Variants in LRBA observed in about 807,000 individuals in gnomAD.
LRBA encodes lipopolysaccharide-responsive and beige-like anchor protein.
In LRBA, 176 loss-of-function variants were observed where a neutral mutation model predicts 330.0. The ratio of observed to expected loss-of-function variants is 0.53; its 90% CI spans 0.47 to 0.60. LRBA has a LOEUF of 0.60. Among genes scored for constraint, LRBA ranks in the 20% least tolerant of loss-of-function variants. The pLI is 0.00. For synonymous variants in LRBA, 1,230 were observed against 1,193.0 expected, an observed-to-expected ratio of 1.03 and a Z score of -0.64; for missense variants, 3,259 against 3,444.8, an observed-to-expected ratio of 0.95 and a Z score of 1.35.
In LRBA at chr4:150,339,429, T is replaced by A. The variant is rs1041504468; in HGVS notation, c.7362+10563A>T. On this transcript the variant is annotated intron_variant, in intron 48 of 56. Coordinates refer to ENST00000651943, the MANE Select transcript of LRBA (RefSeq NM_001364905.1). Reference sequence around the variant, plus strand: ...GAACAGCCAAAAACGAAGTCAGTATTCATATCCTCATGTTAACATACATTG... The same window carrying A: ...GAACAGCCAAAAACGAAGTCAGTATACATATCCTCATGTTAACATACATTG... Among the ~76,000 whole-genome samples, 3 of 152,106 alleles carry A rather than the reference T, an allele frequency of 2.0e-5. No individual in the cohort carries two copies. The East Asian group carries it at 5.8e-4, about 29-fold the overall frequency.
intron 44 of LRBA, among the ~76,000 whole-genome samples, chr4:150,462,228 A>C (rs1266098925): frequency 6.6e-6 from 1 of 151,842 alleles, no homozygotes; most frequent in Non-Finnish European, 1.5e-5. Context: ...CAGACTACTG[A>C]TGAAATAACT....
At chr4:150,600,001 C>A (rs1237710825) in intron 37 of LRBA, among the ~76,000 whole-genome samples, 4 of 151,982 alleles carry the variant, frequency 2.6e-5, no homozygotes, top group African/African-American at 9.7e-5. Flanking sequence ...TTGCTCATTT[C>A]AAATTCTATA....
chr4:150,905,336 T>C (rs1053233427), intron 13 of LRBA, among the ~76,000 whole-genome samples: 1 of 151,880 alleles, frequency 6.6e-6, no homozygotes. Context: ...TAGTTCATCA[T>C]GTTGGAAGGC....
chr4:150,486,362 C>T (rs1421579314), intron 42 of LRBA, among the ~76,000 whole-genome samples: 1 of 151,474 alleles, frequency 6.6e-6, no homozygotes. Flanking sequence ...ATAGTTTAGG[C>T]AAATAGTACT....
rs1411158428 is a variant in LRBA at position 150,350,108 on chromosome 4, T to C, written c.7246A>G (p.Ile2416Val). 1 of 1,603,826 alleles carries C rather than the reference T, an allele frequency of 6.2e-7. No homozygotes were observed. Reference sequence around the variant, plus strand: ...GGTCCTTGCTGTTTATAGCCAAAAATGAGATCAATCCATTGGTGAAGCTGG... The same window carrying C: ...GGTCCTTGCTGTTTATAGCCAAAAACGAGATCAATCCATTGGTGAAGCTGG... ...SCQLHQWIDLIFGYKQQGPEA... is the reference protein window; with the variant it reads ...SCQLHQWIDLVFGYKQQGPEA... The change falls in exon 48 of 57, where the codon ATT becomes GTT. Residue 2416 changes from isoleucine (I) to valine (V), a missense_variant. Ile to Val is a conservative substitution (Grantham distance 29, BLOSUM62 3). Coordinates refer to ENST00000651943, the MANE Select transcript of LRBA (RefSeq NM_001364905.1).
intron 33 of LRBA, among the ~76,000 whole-genome samples, chr4:150,804,062 A>T (rs981375702): frequency 3.3e-5 from 5 of 151,406 alleles, no homozygotes; most frequent in African/African-American, 9.7e-5. Flanking sequence ...TACACCATTT[A>T]AAAAAAAAGT....
At chr4:150,697,352 C>A (rs200623754) in intron 36 of LRBA, among the ~76,000 whole-genome samples, 4,218 of 31,218 alleles carry the variant, frequency 0.14, 9 homozygotes, top group Non-Finnish European at 0.22. Context: ...AAAAAAAAAA[C>A]AGGGAGAGTT....
At chr4:150,407,594 C>T (rs1444736494) in intron 47 of LRBA, among the ~76,000 whole-genome samples, 1 of 152,124 alleles carries the variant, frequency 6.6e-6, no homozygotes, top group East Asian at 1.9e-4. Flanking sequence ...CTAAAGATAA[C>T]ATGAAGAATT....
intron 33 of LRBA, among the ~76,000 whole-genome samples, chr4:150,803,762 T>A (rs997278383): frequency 6.6e-6 from 1 of 152,196 alleles, no homozygotes; most frequent in African/African-American, 2.4e-5. Context: ...TTTATGAACA[T>A]CATCAATGAA....
intron 28 of LRBA, among the ~76,000 whole-genome samples, chr4:150,836,672 G>A (rs534833853): frequency 2.6e-5 from 4 of 152,126 alleles, no homozygotes; most frequent in South Asian, 2.1e-4. Context: ...TGAGTCATTC[G>A]ATTCTTCTCT....
At chr4:150,677,127 AC>A (rs1169497828) in intron 37 of LRBA, among the ~76,000 whole-genome samples, 3 of 152,012 alleles carry the variant, frequency 2.0e-5, no homozygotes, top group Non-Finnish European at 4.4e-5. Flanking sequence ...AGTTTACCTG[AC>A]CCCCCAACCC....
intron 47 of LRBA, among the ~76,000 whole-genome samples, chr4:150,356,559 C>CT (rs935102908): frequency 6.6e-6 from 1 of 151,904 alleles, no homozygotes; most frequent in Non-Finnish European, 1.5e-5. Flanking sequence ...TCAAAATTTT[C>CT]TAACAAAGGT....
At chr4:150,615,476 T>C (rs1046147684) in intron 37 of LRBA, among the ~76,000 whole-genome samples, 1 of 152,046 alleles carries the variant, frequency 6.6e-6, no homozygotes, top group Non-Finnish European at 1.5e-5. Flanking sequence ...TAAAAAGTCA[T>C]TGAATTATGG....
At chr4:150,683,444 T>C in intron 37 of LRBA, 107 bp downstream of exon 37, 1 of 877,702 alleles carries the variant, frequency 1.1e-6, no homozygotes, top group Non-Finnish European at 1.8e-6. Context: ...AAGACAAAAT[T>C]AAATTACTCT....
At chr4:150,446,168 G>C (rs1273668265) in intron 44 of LRBA, among the ~76,000 whole-genome samples, 1 of 152,092 alleles carries the variant, frequency 6.6e-6, no homozygotes, top group African/African-American at 2.4e-5. Flanking sequence ...GGCCAGGAAG[G>C]GTAAGGGGAA....
At chr4:150,990,806 G>A (rs1344028403) in intron 2 of LRBA, among the ~76,000 whole-genome samples, 1 of 152,134 alleles carries the variant, frequency 6.6e-6, no homozygotes, top group Non-Finnish European at 1.5e-5. Context: ...GATCACTTGA[G>A]GCCAGGAGTT....
At chr4:150,590,379 A>AAC (rs397965104) in intron 39 of LRBA, among the ~76,000 whole-genome samples, 1 of 142,158 alleles carries the variant, frequency 7.0e-6, no homozygotes, top group Non-Finnish European at 1.6e-5. Context: ...AAAAAAAAAA[A>AAC]CTGGCAGAAT....
At chr4:150,807,745 A>G (rs1033890767) in intron 32 of LRBA, among the ~76,000 whole-genome samples, 4 of 151,986 alleles carry the variant, frequency 2.6e-5, no homozygotes, top group African/African-American at 7.2e-5. Flanking sequence ...TCCCGGGTTC[A>G]AGTGATTCTC....
chr4:150,850,938 C>A, intron 23 of LRBA, 36 bp from the exon 24 acceptor site: 1 of 1,481,144 alleles, frequency 6.8e-7, no homozygotes, highest in Non-Finnish European at 9.3e-7. Flanking sequence ...AAAATAGGTT[C>A]AACTTCAGCA....
Sources: gnomAD v4.1 joint callset for allele counts (sites outside exome capture counted in the v4.1 genomes callset) on GRCh38, gnomAD v4.1.1 for gene constraint, MANE v1.5 for transcripts, NCBI Gene and HGNC (gene_info 2026-07-23, HGNC 2026-07-21) for gene names.